The following LINGO2 variants were observed in gnomAD, a reference collection of about 807,000 sequenced individuals.
LINGO2 encodes the protein leucine rich repeat and Ig domain containing 2, also known as leucine-rich repeat and immunoglobulin-like domain-containing nogo receptor-interacting protein 2.
In LINGO2, 14 loss-of-function variants were observed where a neutral mutation model predicts 30.6. That is an observed-to-expected ratio of 0.46 (90% CI 0.30 to 0.72). The LOEUF (loss-of-function observed/expected upper bound fraction) is 0.72. LINGO2 is among the 30% of genes least tolerant of loss of function. The probability of loss-of-function intolerance (pLI) is 0.07; values close to 1 mark genes in which losing one functional copy is unlikely to be tolerated. For synonymous variants in LINGO2, 317 were observed against 288.5 expected (o/e 1.10, Z -1.00); for missense variants, 729 against 751.7 (o/e 0.97, Z 0.35).
chr9:29,154,441 C>A, the LINGO2 span, among the ~76,000 whole-genome samples: 3 of 130,688 alleles, frequency 2.3e-5, no homozygotes, highest in African/African-American at 8.5e-5. Flanking sequence ...CAGAGTGCGA[C>A]TCCGTCTCAA....
At chr9:28,341,992 C>G (rs1393630682) in intron 3 of LINGO2, among the ~76,000 whole-genome samples, 1 of 152,060 alleles carries the variant, frequency 6.6e-6, no homozygotes, top group African/African-American at 2.4e-5. Flanking sequence ...AATGCTCAAG[C>G]CTTCTTTACA....
chr9:28,725,504 G>A, the LINGO2 span, among the ~76,000 whole-genome samples: 2 of 150,410 alleles, frequency 1.3e-5, no homozygotes, highest in Non-Finnish European at 3.0e-5. Flanking sequence ...TACAACAGGG[G>A]GAATAATCCT....
chr9:28,330,386 G>A (rs1825377293), intron 3 of LINGO2, among the ~76,000 whole-genome samples: 1 of 152,110 alleles, frequency 6.6e-6, no homozygotes. Context: ...AGTACAGAGA[G>A]CTCCCATATG....
chr9:28,033,761 T>A (rs1433548938), intron 4 of LINGO2, among the ~76,000 whole-genome samples: 1 of 152,242 alleles, frequency 6.6e-6, no homozygotes, highest in Non-Finnish European at 1.5e-5. Context: ...ATAACCAGGA[T>A]AATCTGCTAA....
chr9:28,582,286 C>T (rs1030394084), intron 1 of LINGO2, among the ~76,000 whole-genome samples: 10 of 151,832 alleles, frequency 6.6e-5, no homozygotes, highest in African/African-American at 2.2e-4. Flanking sequence ...TTTTCATATT[C>T]GAGAAAGAAA....
the LINGO2 span, among the ~76,000 whole-genome samples, chr9:28,816,767 C>G: frequency 6.6e-6 from 1 of 152,116 alleles, no homozygotes; most frequent in Non-Finnish European, 1.5e-5. Flanking sequence ...TAGATATCTG[C>G]TTTACTCAGA....
chr9:28,122,083 C>T (rs1027545170), intron 4 of LINGO2, among the ~76,000 whole-genome samples: 9 of 152,074 alleles, frequency 5.9e-5, no homozygotes, highest in African/African-American at 1.7e-4. Context: ...ACAAAACTAG[C>T]GCATGATACT....
upstream of LINGO2, among the ~76,000 whole-genome samples, chr9:28,675,067 C>T (rs957544533): frequency 1.3e-5 from 2 of 152,086 alleles, no homozygotes; most frequent in Non-Finnish European, 1.5e-5. Context: ...AGAAATAAAA[C>T]GCCTACTATG....
At chr9:29,144,646 G>A in the LINGO2 span, among the ~76,000 whole-genome samples, 2 of 152,032 alleles carry the variant, frequency 1.3e-5, no homozygotes, top group Non-Finnish European at 2.9e-5. Flanking sequence ...CCACTACTGT[G>A]GGTGACTCCT....
At chr9:28,861,217 ATAT>A in the LINGO2 span, among the ~76,000 whole-genome samples, 33 of 113,468 alleles carry the variant, frequency 2.9e-4, no homozygotes, top group African/African-American at 9.6e-4. Flanking sequence ...TTTTTATATA[ATAT>A]TATATAAATA....
chr9:27,989,534 G>A (rs1420679292), intron 5 of LINGO2, among the ~76,000 whole-genome samples: 1 of 151,636 alleles, frequency 6.6e-6, no homozygotes, highest in Non-Finnish European at 1.5e-5. Flanking sequence ...ATCATGAGTG[G>A]AAAGTTCTGG....
chr9:28,856,784 A>G, the LINGO2 span, among the ~76,000 whole-genome samples: 1 of 152,046 alleles, frequency 6.6e-6, no homozygotes, highest in African/African-American at 2.4e-5. Context: ...CCTAAATAAA[A>G]TAGATGAAGA....
chr9:28,275,677 T>C (rs550224306), intron 4 of LINGO2, among the ~76,000 whole-genome samples: 2 of 152,276 alleles, frequency 1.3e-5, no homozygotes, highest in Admixed American at 1.3e-4. Flanking sequence ...TAAGGCACTA[T>C]AAAAAACAAA....
chr9:28,386,283 G>A (rs1434739837), intron 2 of LINGO2, among the ~76,000 whole-genome samples: 1 of 152,122 alleles, frequency 6.6e-6, no homozygotes, highest in Non-Finnish European at 1.5e-5. Flanking sequence ...TTCTAGCTGG[G>A]CAAGTTTTCT....
intron 3 of LINGO2, among the ~76,000 whole-genome samples, chr9:28,341,849 A>C (rs1825776640): frequency 6.6e-6 from 1 of 152,132 alleles, no homozygotes; most frequent in African/African-American, 2.4e-5. Flanking sequence ...TTTACTGGAA[A>C]TAAAACACCA....
At chr9:28,442,025 G>A (rs1213259387) in intron 2 of LINGO2, among the ~76,000 whole-genome samples, 1 of 151,142 alleles carries the variant, frequency 6.6e-6, no homozygotes, top group Non-Finnish European at 1.5e-5. Flanking sequence ...TCTGCCAAGG[G>A]CAGTGTATTT....
rs1827322020 is a variant in LINGO2 at position 28,129,337 on chromosome 9, T to A, written c.-86-116932A>T. 6.6e-6 allele frequency among the ~76,000 whole-genome samples: 1 copy of A among 152,228 alleles called. No homozygotes were observed. The highest frequency in any genetic ancestry group is 1.5e-5 in the Non-Finnish European group (1 of 68,048). ...GAACCCTGACTAATACACCCATGTT[T>A]GGTTCTTGTTTTGTTGTGTAACTGT... On this transcript the variant is annotated intron_variant, in intron 4 of 5. Transcript: ENST00000379992. This position sits in a 1 kb window ranked among gnomAD's most constrained non-coding sequence, Gnocchi z 4.0.
the LINGO2 span, among the ~76,000 whole-genome samples, chr9:28,943,440 A>T: frequency 6.6e-6 from 1 of 152,100 alleles, no homozygotes; most frequent in Admixed American, 6.6e-5. Flanking sequence ...AGGGCAGGAG[A>T]CAATGAAGAA....
At chr9:28,497,911 G>A (rs528660403) in intron 1 of LINGO2, among the ~76,000 whole-genome samples, 1 of 152,314 alleles carries the variant, frequency 6.6e-6, no homozygotes, top group Admixed American at 6.5e-5. Flanking sequence ...GCTGGAGTTT[G>A]CTGGAGGTCC....
Sources: allele counts gnomAD v4.1 joint callset (sites outside exome capture counted in the v4.1 genomes callset), GRCh38; gene constraint gnomAD v4.1.1; non-coding constraint Gnocchi (gnomAD v3.1); transcripts MANE v1.5; gene names NCBI Gene and HGNC (gene_info 2026-07-23, HGNC 2026-07-21).